The following ACSL6 variants were observed in gnomAD, a reference collection of about 807,000 sequenced individuals.
ACSL6 encodes acyl-CoA synthetase long chain family member 6.
Under a neutral mutation model 98.2 loss-of-function variants are expected in ACSL6, and 47 were observed. The ratio of observed to expected loss-of-function variants is 0.48; its 90% confidence interval spans 0.38 to 0.61. The LOEUF (loss-of-function observed/expected upper bound fraction) is 0.61. Among genes scored for constraint, ACSL6 ranks in the 20% least tolerant of loss-of-function variants. The probability of loss-of-function intolerance (pLI) is 0.00; values close to 1 mark genes in which losing one functional copy is unlikely to be tolerated. For missense variants in ACSL6, 761 were observed against 913.4 expected (o/e 0.83, Z 2.15); for synonymous variants, 362 against 336.9 (o/e 1.07, Z -0.82).
At chr5:131,992,830 A>C (rs687429) in intron 2 of ACSL6, among the ~76,000 whole-genome samples, 93,098 of 152,074 alleles carry the variant, frequency 0.61, 33,238 homozygotes, top group Non-Finnish European at 0.8. Context: ...TGATATAGTC[A>C]CAAGCTTAAC....
In ACSL6 at chr5:131,959,602, C is replaced by G; in HGVS notation, c.1965G>C (p.Leu655=). Residue 655 remains leucine (L), a synonymous_variant, in exon 20 of 21, where the codon CTG becomes CTC. Coordinates refer to ENST00000651883, the MANE Select transcript of ACSL6 (RefSeq NM_001009185.3). ...TYADLCTNKD[L]KKAILEDMVR... The stretch of plus-strand genomic sequence containing the variant: ...CCATATCTTCCAAAATGGCTTTCTT[C>G]AGATCCTGAATCAAACCATATGAGA... 2 of 1,614,156 alleles carry G rather than the reference C, an allele frequency of 1.2e-6. No individual in the cohort carries two copies. The highest frequency in any genetic ancestry group is 1.7e-6 in the Non-Finnish European group (2 of 1,179,988).
At chr5:131,967,045 A>G (rs1561780629) in intron 16 of ACSL6, among the ~76,000 whole-genome samples, 1 of 152,130 alleles carries the variant, frequency 6.6e-6, no homozygotes, top group Non-Finnish European at 1.5e-5. Flanking sequence ...GGAAAAAATG[A>G]ATTTTTACAA....
intron 9 of ACSL6, chr5:131,982,298 T>C (rs1039723002): frequency 1.3e-5 from 2 of 150,262 alleles, no homozygotes; most frequent in Middle Eastern, 3.4e-3. Context: ...CGCCCGCCAC[T>C]ACGCCCGGCT....
rs189821339 is a variant in ACSL6, at chr5:131,960,749, T to C, written c.1858-128A>G. 1,410 of 632,428 alleles carry C rather than the reference T, an allele frequency of 2.2e-3. 4 individuals are homozygous for C. Among genetic ancestry groups the C allele is most frequent in the Middle Eastern group, 7.9e-3 (30 of 3,796 alleles). The allele number at this position is 632,428 out of a possible 1,614,324, so 39.2% of individuals were successfully genotyped here. A position where few individuals can be genotyped will look rare whatever the true frequency, so the allele number is the denominator to read the frequency against. On this transcript the variant is annotated intron_variant, in intron 18 of 20. Coordinates refer to ENST00000651883, the MANE Select transcript of ACSL6 (RefSeq NM_001009185.3). ...TAAGTATATGTTTATAAAACATTTG[T>C]TGATGTCATGAAATCTTTCTGCCAA...
At chr5:131,964,877 T>A (rs1193222615) in intron 17 of ACSL6, among the ~76,000 whole-genome samples, 1 of 152,176 alleles carries the variant, frequency 6.6e-6, no homozygotes, top group African/African-American at 2.4e-5. Flanking sequence ...AATCCCACCT[T>A]TGGAACATGA....
intron 7 of ACSL6, 125 bp from the exon 8 acceptor site, chr5:131,986,979 ACTC>A: frequency 1.2e-5 from 1 of 83,562 alleles, no homozygotes. Flanking sequence ...ATACCCACAC[ACTC>A]ACACACACAC....
chr5:131,989,838 C>T (rs995476443), intron 4 of ACSL6, among the ~76,000 whole-genome samples: 17 of 152,194 alleles, frequency 1.1e-4, no homozygotes, highest in African/African-American at 3.4e-4. Flanking sequence ...AGGCAATCCA[C>T]CCGCCTTGGC....
At chr5:131,996,832 G>C (rs1173160650) in intron 1 of ACSL6, among the ~76,000 whole-genome samples, 1 of 152,196 alleles carries the variant, frequency 6.6e-6, no homozygotes, top group African/African-American at 2.4e-5. Context: ...TGAGGAAATG[G>C]GCAGTGTTAT....
chr5:131,986,671 G>T, intron 8 of ACSL6, 151 bp downstream of exon 8: 1 of 937,400 alleles, frequency 1.1e-6, no homozygotes, highest in Non-Finnish European at 1.7e-6. Flanking sequence ...GCCCACAGAA[G>T]TCCTGGACAC....
At chr5:131,968,774 A>G (rs970958057) in intron 15 of ACSL6, among the ~76,000 whole-genome samples, 6 of 152,352 alleles carry the variant, frequency 3.9e-5, no homozygotes, top group African/African-American at 1.4e-4. Context: ...GTCCTGAAAG[A>G]AAATTGAGCC....
intron 1 of ACSL6, chr5:131,999,746 T>G (rs1446672251): frequency 6.6e-6 from 1 of 152,348 alleles, no homozygotes; most frequent in Non-Finnish European, 1.5e-5. Context: ...CCCACCTCCA[T>G]CTGCATGCAG....
At chr5:131,988,613 C>G (rs747664309) in intron 6 of ACSL6, 192 bp downstream of exon 6, 2 of 1,613,036 alleles carry the variant, frequency 1.2e-6, no homozygotes, top group South Asian at 2.2e-5. Context: ...GTGGAAGGAA[C>G]CTTCGTGTGA....
Position 131,976,635 on chromosome 5 carries a change from C to T in ACSL6, c.990+13G>A, listed in dbSNP as rs1259891233. 1 of 1,611,376 alleles carries T rather than the reference C, an allele frequency of 6.2e-7. No individual in the cohort carries two copies. The highest frequency in any genetic ancestry group is 8.5e-7 in the Non-Finnish European group (1 of 1,177,524). ...TCAAGAGACACCTGCAACAGTAATG[C>T]TACTTTATTCACCTCTGTCACTTTC... On this transcript the variant is annotated intron_variant, in intron 10 of 20. Coordinates refer to ENST00000651883, the MANE Select transcript of ACSL6 (RefSeq NM_001009185.3).
At chr5:131,965,327 AT>A (rs1752959285) in intron 17 of ACSL6, among the ~76,000 whole-genome samples, 1 of 152,150 alleles carries the variant, frequency 6.6e-6, no homozygotes, top group African/African-American at 2.4e-5. Flanking sequence ...AGCATCTCCT[AT>A]GTGCCCGGTA....
intron 9 of ACSL6, among the ~76,000 whole-genome samples, chr5:131,978,200 G>A (rs768387765): frequency 2.0e-5 from 3 of 152,208 alleles, no homozygotes; most frequent in Non-Finnish European, 4.4e-5. Context: ...TCTTATCCAC[G>A]AGACCAGTTT....
intron 14 of ACSL6, 46 bp from the exon 15 acceptor site, chr5:131,970,246 A>G (rs1421889888): frequency 1.3e-6 from 2 of 1,582,708 alleles, no homozygotes; most frequent in Admixed American, 3.3e-5. Flanking sequence ...ACACCCTCCA[A>G]GAGCTAACTG....
Position 131,994,267 on chromosome 5 carries a change from G to C in ACSL6, c.50-16C>G. On this transcript the variant is annotated splice_polypyrimidine_tract_variant and intron_variant, in intron 1 of 20. Transcript: ENST00000651883. ...AGGACAAACTCTGTTGAAAACAAGA[G>C]TCAGATAAGGCAAGAGACCTGACGG... The C allele has an allele frequency of 6.3e-7, 1 of 1,592,364 alleles. No individual in the cohort carries two copies.
chr5:131,993,903 G>T, intron 2 of ACSL6, 128 bp downstream of exon 2: 1 of 960,718 alleles, frequency 1.0e-6, no homozygotes. Flanking sequence ...CTAAGTGGCT[G>T]ACTGCCAGGG....
At chr5:132,006,744 C>T (rs966916005) in intron 1 of ACSL6, 1 of 152,258 alleles carries the variant, frequency 6.6e-6, no homozygotes, top group Non-Finnish European at 1.5e-5. Context: ...TGTGGGTTCA[C>T]TAGTTGATTC....
Sources: gnomAD v4.1 joint callset for allele counts (sites outside exome capture counted in the v4.1 genomes callset) on GRCh38, gnomAD v4.1.1 for gene constraint, MANE v1.5 for transcripts, NCBI Gene and HGNC (gene_info 2026-07-23, HGNC 2026-07-21) for gene names.